NRXN3: variants seen among roughly 807,000 people sequenced by gnomAD.
NRXN3 encodes neurexin III.
In NRXN3, 32 loss-of-function variants were observed where a neutral mutation model predicts 137.6. That is an observed-to-expected ratio of 0.23 (90% CI 0.18 to 0.31). The LOEUF (loss-of-function observed/expected upper bound fraction) is 0.31. Ranked by LOEUF, NRXN3 falls within the 10% of genes least tolerant of loss-of-function variation. NRXN3 has a pLI of 1.00. For synonymous variants in NRXN3, 798 were observed against 784.5 expected (o/e 1.02, Z -0.29); for missense variants, 1,574 against 2,062.5 (o/e 0.76, Z 4.59).
rs376827828 is a variant in NRXN3, at chr14:78,651,251, T to C, written c.1146T>C (p.Tyr382=). 2.5e-5 allele frequency: 40 copies of C among 1,614,096 alleles called. No individual in the cohort carries two copies. The African/African-American group carries it at 4.9e-4, about 20-fold the overall frequency. Residue 382 remains tyrosine (Y), a synonymous_variant, in exon 6 of 21, where the codon TAT becomes TAC. Coordinates refer to ENST00000335750, the MANE Select transcript of NRXN3 (RefSeq NM_001330195.2). ...YTMLGSDDFF[Y]VGGSPSTADL... is the part of the protein sequence containing the mutation. ...TGCTGGGCTCGGACGACTTCTTCTA[T>C]GTAGGAGGAAGCCCAAGTACCGCTG... is the stretch of plus-strand genomic sequence containing the variant.
At chr14:79,415,955 C>G (rs1044962802) in intron 15 of NRXN3, among the ~76,000 whole-genome samples, 9 of 152,136 alleles carry the variant, frequency 5.9e-5, no homozygotes, top group Non-Finnish European at 1.2e-4. Flanking sequence ...GTTGTGAACA[C>G]TGTTCTAAGA....
chr14:79,657,983 A>C (rs1054334532), intron 16 of NRXN3, among the ~76,000 whole-genome samples: 3 of 152,190 alleles, frequency 2.0e-5, no homozygotes, highest in South Asian at 2.1e-4. Context: ...ATATCCATTA[A>C]TTTAACAAAC....
chr14:78,828,097 T>C (rs2098972072), intron 10 of NRXN3, among the ~76,000 whole-genome samples: 1 of 152,186 alleles, frequency 6.6e-6, no homozygotes, highest in Non-Finnish European at 1.5e-5. Flanking sequence ...GATTTTACCA[T>C]AGTTTTATGT....
At chr14:78,956,159 C>T (rs1487486445) in intron 10 of NRXN3, among the ~76,000 whole-genome samples, 3 of 152,120 alleles carry the variant, frequency 2.0e-5, no homozygotes, top group African/African-American at 7.2e-5. Context: ...GGGCTTTCCA[C>T]ATATAGATTG....
chr14:79,836,141 TC>T (rs1341289220), intron 20 of NRXN3, among the ~76,000 whole-genome samples: 5 of 152,190 alleles, frequency 3.3e-5, no homozygotes, highest in African/African-American at 1.2e-4. Context: ...GTTATTCCTC[TC>T]AAAGTTCAGC....
In NRXN3 at chr14:78,822,200, T is replaced by C. The variant is rs904379578; in HGVS notation, c.2275+11856T>C. Among the ~76,000 whole-genome samples, 5 of 152,312 alleles carry C rather than the reference T, an allele frequency of 3.3e-5. No individual in the cohort carries two copies. In the South Asian group the frequency reaches 1.0e-3, roughly 32 times the overall value. On this transcript the variant is annotated intron_variant, in intron 10 of 20. Transcript: ENST00000335750. ...TATTTACAATAAACATTTGACAGTCTTTGCTATTGCTATATGAAGTGCATG... is the reference window on the plus strand; with the variant it reads ...TATTTACAATAAACATTTGACAGTCCTTGCTATTGCTATATGAAGTGCATG...
At chr14:79,091,987 A>T (rs568863274) in intron 15 of NRXN3, among the ~76,000 whole-genome samples, 1 of 152,204 alleles carries the variant, frequency 6.6e-6, no homozygotes, top group Non-Finnish European at 1.5e-5. Context: ...AGAAAAAAAT[A>T]AAGTTATTAT....
intron 6 of NRXN3, among the ~76,000 whole-genome samples, chr14:78,678,095 C>T (rs747425009): frequency 6.6e-6 from 1 of 152,038 alleles, no homozygotes; most frequent in Non-Finnish European, 1.5e-5. Context: ...TTGCAGTGGT[C>T]TGTCACTGAA....
At position 78,968,271 on chromosome 14, in the gene NRXN3, G is replaced by T; in HGVS notation, c.3067G>T (p.Asp1023Tyr). 6.2e-7 allele frequency: 1 copy of T among 1,614,074 alleles called. No individual in the cohort carries two copies. The change falls in exon 14 of 21, where the codon GAC becomes TAC. Residue 1023 changes from aspartate (D) to tyrosine (Y), a missense_variant. Coordinates refer to ENST00000335750, the MANE Select transcript of NRXN3 (RefSeq NM_001330195.2). ...CTTTCAGGGCTGTCTAGCATCAGTG[G>T]ACTTGAATGGACGCCTGCCAGACCT... ...DGFQGCLASV[D>Y]LNGRLPDLIN...
At chr14:78,934,683 C>T (rs1311317217) in intron 10 of NRXN3, among the ~76,000 whole-genome samples, 2 of 151,912 alleles carry the variant, frequency 1.3e-5, no homozygotes, top group Non-Finnish European at 2.9e-5. Flanking sequence ...AGCTAGAAAC[C>T]ATCATTCTCA....
intron 15 of NRXN3, among the ~76,000 whole-genome samples, chr14:79,186,259 A>AG (rs376986317): frequency 6.6e-6 from 1 of 152,026 alleles, no homozygotes; most frequent in Non-Finnish European, 1.5e-5. Flanking sequence ...CTGAAAAAAA[A>AG]AGGTGTTTCT....
intron 18 of NRXN3, 50 bp downstream of exon 18, chr14:79,692,312 C>T (rs2098719704): frequency 7.4e-7 from 1 of 1,347,652 alleles, no homozygotes; most frequent in Admixed American, 2.0e-5. Context: ...CCTAAACCCT[C>T]ATTTTTAAAG....
At chr14:78,971,154 G>A (rs1008409561) in intron 14 of NRXN3, among the ~76,000 whole-genome samples, 8 of 152,022 alleles carry the variant, frequency 5.3e-5, no homozygotes, top group African/African-American at 1.2e-4. Flanking sequence ...AAGATGGTGG[G>A]GAGGTAAAGG....
chr14:78,830,668 A>G (rs1024667429), intron 10 of NRXN3, among the ~76,000 whole-genome samples: 2 of 152,034 alleles, frequency 1.3e-5, no homozygotes, highest in African/African-American at 4.8e-5. Flanking sequence ...ATTATTTAAT[A>G]ATAAAATAGT....
chr14:79,037,338 A>G (rs949551604), intron 15 of NRXN3, among the ~76,000 whole-genome samples: 1 of 152,122 alleles, frequency 6.6e-6, no homozygotes, highest in Non-Finnish European at 1.5e-5. Context: ...TCCGTAGTTT[A>G]CAGAGCACCT....
intron 16 of NRXN3, among the ~76,000 whole-genome samples, chr14:79,553,465 T>C (rs921807856): frequency 6.6e-6 from 1 of 152,168 alleles, no homozygotes; most frequent in Non-Finnish European, 1.5e-5. Flanking sequence ...CTAAAACCAC[T>C]GTTTACTTAT....
At chr14:79,763,638 A>G (rs2099046414) in intron 19 of NRXN3, among the ~76,000 whole-genome samples, 1 of 116,658 alleles carries the variant, frequency 8.6e-6, no homozygotes, top group African/African-American at 4.0e-5. Flanking sequence ...ACCCTGGCAG[A>G]TGTGATGTCT....
chr14:79,623,566 T>C (rs2098247692), intron 16 of NRXN3, among the ~76,000 whole-genome samples: 1 of 152,208 alleles, frequency 6.6e-6, no homozygotes. Context: ...AATGTTAAAT[T>C]CTGCTACTAA....
At position 79,726,725 on chromosome 14, in the gene NRXN3, A is replaced by G. The variant is rs150311254; in HGVS notation, c.4014+28788A>G. ...TGTAGCTTACAAAATATGCTGAAAG[A>G]CCACTGGCATAAAAGCCTTTTAATT... On this transcript the variant is annotated intron_variant, in intron 19 of 20. Transcript: ENST00000335750. Among the ~76,000 whole-genome samples, 334 of 152,296 alleles carry G rather than the reference A, an allele frequency of 2.2e-3. 8 individuals are homozygous for G. In the East Asian group the frequency reaches 0.04, roughly 18 times the overall value.
Sources: gnomAD v4.1 joint callset for allele counts (sites outside exome capture counted in the v4.1 genomes callset) on GRCh38, gnomAD v4.1.1 for gene constraint, MANE v1.5 for transcripts, NCBI Gene and HGNC (gene_info 2026-07-23, HGNC 2026-07-21) for gene names.